SPECC1: variants seen among roughly 807,000 people sequenced by gnomAD.
SPECC1 encodes the protein sperm antigen with calponin homology and coiled-coil domains 1.
A neutral mutation model predicts 104.1 loss-of-function variants in SPECC1; 62 were observed. The ratio of observed to expected loss-of-function variants is 0.60; its 90% CI spans 0.49 to 0.74. SPECC1 has a LOEUF of 0.74. SPECC1 is among the 30% of genes least tolerant of loss of function. SPECC1 has a pLI of 0.00. For missense variants in SPECC1, 1,306 were observed against 1,310.5 expected, an observed-to-expected ratio of 1.00 and a Z score of 0.05; for synonymous variants, 513 against 501.6, an observed-to-expected ratio of 1.02 and a Z score of -0.30.
chr17:20,089,726 G>A (rs1444372531), intron 1 of SPECC1, among the ~76,000 whole-genome samples: 2 of 152,174 alleles, frequency 1.3e-5, no homozygotes, highest in Non-Finnish European at 2.9e-5. Context: ...TATGTGGAAC[G>A]GATGAGCCCA....
At chr17:20,222,852 ATGTTTGAC>A in intron 4 of SPECC1, among the ~76,000 whole-genome samples, 1 of 152,058 alleles carries the variant, frequency 6.6e-6, no homozygotes, top group Non-Finnish European at 1.5e-5. Context: ...TTTCTCTGTC[ATGTTTGAC>A]ATTTTTTCCT....
At chr17:20,158,865 C>T (rs2032861253) in intron 3 of SPECC1, among the ~76,000 whole-genome samples, 1 of 152,140 alleles carries the variant, frequency 6.6e-6, no homozygotes, top group Non-Finnish European at 1.5e-5. Flanking sequence ...CTCAGGCAAT[C>T]CTTCCACTTC....
At chr17:20,113,558 A>G (rs2048600500) in intron 3 of SPECC1, among the ~76,000 whole-genome samples, 1 of 152,196 alleles carries the variant, frequency 6.6e-6, no homozygotes, top group East Asian at 1.9e-4. Flanking sequence ...GTTCATTTTT[A>G]TAATGTTTAC....
intron 12 of SPECC1, among the ~76,000 whole-genome samples, chr17:20,275,353 T>C (rs2040541523): frequency 6.6e-6 from 1 of 152,200 alleles, no homozygotes; most frequent in African/African-American, 2.4e-5. Flanking sequence ...TTTGTCTCAA[T>C]AAGGCCTGTT....
At position 20,044,223 on chromosome 17, in the gene SPECC1, G is replaced by A. The variant is rs144799971; in HGVS notation, c.-22+34799G>A. Among the ~76,000 whole-genome samples the A allele has an allele frequency of 1.5e-3, 231 of 152,188 alleles. 2 individuals carry two copies. Among genetic ancestry groups the A allele is most frequent in the African/African-American group, 5.2e-3 (217 of 41,506 alleles). On this transcript the variant is annotated intron_variant, in intron 1 of 14. Coordinates refer to ENST00000395527, the MANE Select transcript of SPECC1 (RefSeq NM_001243439.2). The stretch of plus-strand genomic sequence containing the variant: ...TGTTTCAGAACTTGTTTCTCTTGCT[G>A]AATGGGAAGCATTTTATTGGCTTCA...
In SPECC1 at chr17:20,013,572, G is replaced by A. The variant is rs1052185706; in HGVS notation, c.-22+4148G>A. ...GCTGGAGTGCAGTGGCACGATCTCC[G>A]CTCACTGCGACCTCCGGCTTTCGGG... On this transcript the variant is annotated intron_variant, in intron 1 of 14. Coordinates refer to ENST00000395527, the MANE Select transcript of SPECC1 (RefSeq NM_001243439.2). Among the ~76,000 whole-genome samples, 11 of 152,078 alleles carry A rather than the reference G, an allele frequency of 7.2e-5. No individual in the cohort carries two copies. In the East Asian group the frequency reaches 1.5e-3, roughly 21 times the overall value.
In SPECC1 at chr17:20,246,660, G is replaced by T. The variant is rs576311012; in HGVS notation, c.2498-559G>T. Among the ~76,000 whole-genome samples, 28 of 152,248 alleles carry T rather than the reference G, an allele frequency of 1.8e-4. No homozygotes were observed. In the East Asian group the frequency reaches 2.1e-3, roughly 12 times the overall value. On this transcript the variant is annotated intron_variant, in intron 8 of 14. Transcript: ENST00000395527. ...TTATCTTCCTATATGAGAAAGATGC[G>T]TAGCTATACTTCATACATATACTGT...
intron 12 of SPECC1, among the ~76,000 whole-genome samples, chr17:20,295,459 G>A (rs1326813830): frequency 1.3e-5 from 2 of 152,068 alleles, no homozygotes; most frequent in Non-Finnish European, 2.9e-5. Context: ...TTGCTATAGT[G>A]ATTAGTGCCG....
At chr17:20,239,186 T>C in intron 7 of SPECC1, 2 of 1,023,462 alleles carry the variant, frequency 2.0e-6, no homozygotes, top group South Asian at 9.3e-5. Context: ...TGTGTTTTGT[T>C]GACATTTAAA....
intron 1 of SPECC1, among the ~76,000 whole-genome samples, chr17:20,015,653 C>T (rs1249346847): frequency 7.0e-6 from 1 of 142,814 alleles, no homozygotes; most frequent in Non-Finnish European, 1.5e-5. Context: ...GGCACTATCT[C>T]GGCTCACTGC....
At chr17:20,134,037 A>G (rs532026189) in intron 3 of SPECC1, among the ~76,000 whole-genome samples, 36 of 151,988 alleles carry the variant, frequency 2.4e-4, no homozygotes, top group African/African-American at 7.5e-4. Flanking sequence ...CACACATTAT[A>G]TAAGTATTAC....
At position 20,251,224 on chromosome 17, in the gene SPECC1, C is replaced by CAAAAAAAAAAA. The variant is rs58071050; in HGVS notation, c.2599-2274_2599-2264dup. Among the ~76,000 whole-genome samples the CAAAAAAAAAAA allele has an allele frequency of 8.0e-4, 41 of 51,000 alleles. 5 individuals carry two copies. In the East Asian group the frequency reaches 1.0e-2, roughly 12 times the overall value. The allele number at this position is 51,000 out of a possible 152,430, so 33.5% of individuals were successfully genotyped here. A position where few individuals can be genotyped will look rare whatever the true frequency, so the allele number is the denominator to read the frequency against. ...TGGGCGACAGAGTAAGACTCTATCT[C>CAAAAAAAAAAA]AAAAAAAAAAAAAAAAAGCATATGG... On this transcript the variant is annotated intron_variant, in intron 9 of 14. Coordinates refer to ENST00000395527, the MANE Select transcript of SPECC1 (RefSeq NM_001243439.2).
chr17:20,281,351 A>C (rs763406748), intron 12 of SPECC1, among the ~76,000 whole-genome samples: 1 of 152,220 alleles, frequency 6.6e-6, no homozygotes, highest in Admixed American at 6.5e-5. Flanking sequence ...GGAATCTTGC[A>C]GTGGCTCGCC....
intron 5 of SPECC1, among the ~76,000 whole-genome samples, chr17:20,228,676 A>G (rs1317159195): frequency 1.3e-5 from 2 of 152,208 alleles, no homozygotes; most frequent in African/African-American, 4.8e-5. Context: ...TGGTGGTAGG[A>G]TATCAAGTAA....
At chr17:20,138,469 G>A (rs1398381033) in intron 3 of SPECC1, among the ~76,000 whole-genome samples, 2 of 152,106 alleles carry the variant, frequency 1.3e-5, no homozygotes, top group Non-Finnish European at 2.9e-5. Flanking sequence ...ATCGGCAATT[G>A]TAATATCACA....
chr17:20,038,403 CTTTTTT>C (rs10718870), intron 1 of SPECC1, among the ~76,000 whole-genome samples: 1 of 99,344 alleles, frequency 1.0e-5, no homozygotes. Context: ...TTTTGATATT[CTTTTTT>C]TTTTTTTTTT....
At chr17:20,124,592 A>AT (rs2049190443) in intron 3 of SPECC1, among the ~76,000 whole-genome samples, 2 of 152,150 alleles carry the variant, frequency 1.3e-5, no homozygotes, top group African/African-American at 2.4e-5. Context: ...ATATTTTGTG[A>AT]TAAAAAAAAT....
At chr17:20,306,549 A>G (rs903277526) in intron 14 of SPECC1, among the ~76,000 whole-genome samples, 17 of 152,270 alleles carry the variant, frequency 1.1e-4, no homozygotes, top group Admixed American at 9.2e-4. Context: ...GCCAAGGCTC[A>G]CAACATGCTG....
At chr17:20,181,820 G>A (rs570321687) in intron 3 of SPECC1, among the ~76,000 whole-genome samples, 9 of 151,884 alleles carry the variant, frequency 5.9e-5, no homozygotes, top group Non-Finnish European at 1.2e-4. Flanking sequence ...GAAAATTATA[G>A]GACATAAAGT....
Sources: allele counts gnomAD v4.1 joint callset (sites outside exome capture counted in the v4.1 genomes callset), GRCh38; gene constraint gnomAD v4.1.1; transcripts MANE v1.5; gene names NCBI Gene and HGNC (gene_info 2026-07-23, HGNC 2026-07-21).